Variants in APOOL observed in about 807,000 individuals in gnomAD.
The protein encoded by APOOL is apolipoprotein O like.
APOOL carries 12 observed loss-of-function variants against 23.1 expected under a neutral mutation model. The ratio of observed to expected loss-of-function variants is 0.52; its 90% CI spans 0.33 to 0.84. The LOEUF is 0.84. Ranked by LOEUF, APOOL falls within the 40% of genes least tolerant of loss-of-function variation. The pLI, the probability that APOOL is intolerant of heterozygous loss-of-function variation, is 0.02. For missense variants in APOOL, 212 were observed against 199.6 expected (o/e 1.06, Z -0.37); for synonymous variants, 77 against 69.9 (o/e 1.10, Z -0.51).
intron 1 of APOOL, among the ~76,000 whole-genome samples, chrX:85,006,700 A>G (rs1206128893): frequency 8.9e-6 from 1 of 112,101 alleles, no homozygotes; most frequent in Non-Finnish European, 1.9e-5. Context: ...ACTACGTGCT[A>G]GGAATTTTGC....
At chrX:85,044,164 G>A (rs948949409) in intron 1 of APOOL, among the ~76,000 whole-genome samples, 2 of 111,020 alleles carry the variant, frequency 1.8e-5, no homozygotes, top group Non-Finnish European at 3.8e-5. Flanking sequence ...GTGGCTAGTA[G>A]TAACCATACT....
intron 1 of APOOL, among the ~76,000 whole-genome samples, chrX:85,007,865 T>TA (rs1044288903): frequency 1.8e-5 from 2 of 112,161 alleles, no homozygotes; most frequent in Non-Finnish European, 1.9e-5. Context: ...GGTACTGCGC[T>TA]AAGCTGTTGA....
rs1192279384 is a variant in APOOL at position 85,087,771 on chromosome X, CAT to C, written c.*95_*96del. ...TAAATCATGTAATGGGTAACTGATA[CAT>C]AGAGTATTACCTAAACCAAGTTTCT... On this transcript the variant is annotated 3_prime_UTR_variant, in exon 9 of 9. Transcript: ENST00000373173. 6 of 762,269 alleles carry C rather than the reference CAT, an allele frequency of 7.9e-6. No individual in the cohort carries two copies. The highest frequency in any genetic ancestry group is 1.1e-5 in the Non-Finnish European group (6 of 542,509). 62.8% of individuals were successfully genotyped at this position (762,269 alleles called of 1,213,427 possible).
intron 1 of APOOL, among the ~76,000 whole-genome samples, chrX:85,019,175 G>A (rs774506928): frequency 6.2e-5 from 7 of 112,107 alleles, no homozygotes; most frequent in African/African-American, 2.3e-4. Context: ...TGCATGATCA[G>A]TGGCTGCTAT....
In APOOL at chrX:85,088,135, T is replaced by A. The variant is rs552632031; in HGVS notation, c.*457T>A. The A allele has an allele frequency of 0.11, 3,296 of 29,672 alleles. 12 individuals carry two copies. Among genetic ancestry groups the A allele is most frequent in the Middle Eastern group, 0.23 (3 of 13 alleles). 2.4% of individuals were successfully genotyped at this position (29,672 alleles called of 1,213,427 possible). A position where few individuals can be genotyped will look rare whatever the true frequency, so the allele number is the denominator to read the frequency against. ...ATATATGTATAAATACATACATATT[T>A]ATACATATATGTATAAATACATACA... On this transcript the variant is annotated 3_prime_UTR_variant, in exon 9 of 9. Coordinates refer to ENST00000373173, the MANE Select transcript of APOOL (RefSeq NM_198450.6).
At chrX:85,016,717 C>G (rs753155023) in intron 1 of APOOL, among the ~76,000 whole-genome samples, 7 of 111,860 alleles carry the variant, frequency 6.3e-5, no homozygotes, top group African/African-American at 1.3e-4. Context: ...AGGCTGCCTG[C>G]CTGTTGGGGT....
At chrX:85,028,448 T>G (rs994640217) in intron 1 of APOOL, among the ~76,000 whole-genome samples, 14 of 111,639 alleles carry the variant, frequency 1.3e-4, no homozygotes, top group African/African-American at 4.2e-4. Flanking sequence ...ACACATGAGA[T>G]ATTTTGACGT....
intron 5 of APOOL, among the ~76,000 whole-genome samples, chrX:85,066,402 G>C (rs1056344053): frequency 9.0e-6 from 1 of 111,318 alleles, no homozygotes; most frequent in Non-Finnish European, 1.9e-5. Context: ...GCTAGGGTTT[G>C]ATACAGAGCT....
intron 8 of APOOL, among the ~76,000 whole-genome samples, chrX:85,083,747 T>G (rs997593067): frequency 8.9e-6 from 1 of 112,039 alleles, no homozygotes; most frequent in African/African-American, 3.2e-5. Flanking sequence ...TCCTTTTTTT[T>G]GTAACTAACT....
intron 1 of APOOL, among the ~76,000 whole-genome samples, chrX:85,007,671 G>A (rs1921124670): frequency 9.0e-6 from 1 of 111,155 alleles, no homozygotes; most frequent in Non-Finnish European, 1.9e-5. Context: ...TGGGGGTCTG[G>A]CCTTCAATTA....
intron 2 of APOOL, among the ~76,000 whole-genome samples, chrX:85,049,941 A>G (rs1235318289): frequency 5.4e-5 from 6 of 111,620 alleles, no homozygotes. Context: ...TAAGTAAATA[A>G]CGTTGCCCAC....
At chrX:85,038,524 G>GTTTTTTTTTTTTTTTTTTTTTTT (rs56248244) in intron 1 of APOOL, among the ~76,000 whole-genome samples, 1 of 43,445 alleles carries the variant, frequency 2.3e-5, no homozygotes, top group African/African-American at 1.1e-4. Flanking sequence ...TCTGGTACAA[G>GTTTTTTTTTTTTTTTTTTTTTTT]TTTTTTTTTT....
chrX:85,016,317 TG>T (rs1462364120), intron 1 of APOOL, among the ~76,000 whole-genome samples: 19 of 107,126 alleles, frequency 1.8e-4, no homozygotes, highest in Non-Finnish European at 5.8e-5. Flanking sequence ...TGAGGGTTGC[TG>T]GGGGAGCTCT....
intron 1 of APOOL, among the ~76,000 whole-genome samples, chrX:85,026,063 T>A (rs886205981): frequency 8.8e-6 from 1 of 113,393 alleles, no homozygotes; most frequent in Admixed American, 9.2e-5. Context: ...GGCTTTCTCA[T>A]ATATCCTCAG....
intron 1 of APOOL, among the ~76,000 whole-genome samples, chrX:85,019,133 C>T (rs746607774): frequency 1.8e-5 from 2 of 111,579 alleles, no homozygotes; most frequent in Non-Finnish European, 3.8e-5. Context: ...TTCACACAAC[C>T]GCAGCTGTGG....
rs1249388180 is a variant in APOOL, at chrX:85,074,097, A to G, written c.586A>G (p.Lys196Glu). 7.7e-6 allele frequency: 9 copies of G among 1,162,198 alleles called. No individual in the cohort carries two copies. Among genetic ancestry groups the G allele is most frequent in the Non-Finnish European group, 1.0e-5 (9 of 871,013 alleles). The change falls in exon 7 of 9, where the codon AAA becomes GAA. Residue 196 changes from lysine to glutamate, a missense_variant. Lys to Glu is a moderately conservative substitution (Grantham distance 56). Coordinates refer to ENST00000373173, the MANE Select transcript of APOOL (RefSeq NM_198450.6). ...CAAAGAAGAGTCACTCCCTAAACCT[A>G]AAGAAAAAACTAAGGTAGAGTTTAC... ...SSKEESLPKP[K>E]EKTKLGSSSE...
At chrX:85,029,157 T>A (rs991792118) in intron 1 of APOOL, among the ~76,000 whole-genome samples, 3 of 111,686 alleles carry the variant, frequency 2.7e-5, no homozygotes, top group East Asian at 5.7e-4. Context: ...AGAAACAATA[T>A]ACAAGGGTTC....
In APOOL at chrX:85,018,353, G is replaced by A. The variant is rs183855202; in HGVS notation, c.15+14426G>A. On this transcript the variant is annotated intron_variant, in intron 1 of 8. Transcript: ENST00000373173. ...GAGAGTGGCAGCAAGAAAGTAAGTGGGGAGGTGCTACAAAATTTTAAACAA... is the reference window on the plus strand; with the variant it reads ...GAGAGTGGCAGCAAGAAAGTAAGTGAGGAGGTGCTACAAAATTTTAAACAA... Among the ~76,000 whole-genome samples, 21 of 110,916 alleles carry A rather than the reference G, an allele frequency of 1.9e-4. No homozygotes were observed. In the East Asian group the frequency reaches 5.4e-3, roughly 29 times the overall value.
At position 85,087,932 on chromosome X, in the gene APOOL, T is replaced by A; in HGVS notation, c.*254T>A. The A allele has an allele frequency of 4.9e-6, 1 of 202,811 alleles. No individual in the cohort carries two copies. Among genetic ancestry groups the A allele is most frequent in the Non-Finnish European group, 9.0e-6 (1 of 111,322 alleles). 16.7% of individuals were successfully genotyped at this position (202,811 alleles called of 1,213,427 possible). The stretch of plus-strand genomic sequence containing the variant: ...AAGTATTAGCTTGCATTTGATGACC[T>A]TTAAGGGCACTTAAAAAAAAATGAA... On this transcript the variant is annotated 3_prime_UTR_variant, in exon 9 of 9. Coordinates refer to ENST00000373173, the MANE Select transcript of APOOL (RefSeq NM_198450.6).
Sources: gnomAD v4.1 joint callset for allele counts (sites outside exome capture counted in the v4.1 genomes callset) on GRCh38, gnomAD v4.1.1 for gene constraint, MANE v1.5 for transcripts, NCBI Gene and HGNC (gene_info 2026-07-23, HGNC 2026-07-21) for gene names.